The following TMEM94 variants were observed in gnomAD, a reference collection of about 807,000 sequenced individuals.
TMEM94 encodes the protein ER Mg2+ ATPase.
TMEM94 carries 81 observed loss-of-function variants against 158.6 expected under a neutral mutation model. The observed-to-expected ratio is 0.51, with a 90% CI of 0.43 to 0.61. The LOEUF (loss-of-function observed/expected upper bound fraction) is 0.61, where lower values mean the gene tolerates loss of function less well. Ranked by LOEUF, TMEM94 falls within the 20% of genes least tolerant of loss-of-function variation. The pLI is 0.00. For missense variants in TMEM94, 1,435 were observed against 1,762.0 expected (o/e 0.81, Z 3.32); for synonymous variants, 751 against 730.7 (o/e 1.03, Z -0.45).
At chr17:75,461,390 G>A (rs576163398) in intron 1 of TMEM94, among the ~76,000 whole-genome samples, 1 of 151,906 alleles carries the variant, frequency 6.6e-6, no homozygotes, top group Non-Finnish European at 1.5e-5. Context: ...ATGAGCCACC[G>A]TGTCCAGCCT....
chr17:75,485,908 G>A lies in TMEM94; in HGVS notation c.182G>A (p.Arg61His), dbSNP rs1333209452. 33 of 1,613,300 alleles carry A rather than the reference G, an allele frequency of 2.0e-5. No individual in the cohort carries two copies. The highest frequency in any genetic ancestry group is 2.8e-5 in the Non-Finnish European group (33 of 1,179,792). ...WRSSFLHHSN[R>H]CSCFHWPGAS... is the part of the protein sequence containing the mutation. Reference sequence around the variant, plus strand: ...AGCAGCTTCCTCCACCACAGTAACCGCTGCTCCTGCTTCCACTGGCCGGGG... The same window carrying A: ...AGCAGCTTCCTCCACCACAGTAACCACTGCTCCTGCTTCCACTGGCCGGGG... Residue 61 changes from arginine to histidine, a missense_variant, in exon 4 of 32, where the codon CGC (arginine) becomes CAC (histidine). This residue lies in a region of TMEM94 where 1,051 missense variants were observed against 1,254.4 expected (regional missense o/e 0.84). Transcript: ENST00000314256. This position sits in a 1 kb window ranked among gnomAD's most constrained non-coding sequence, Gnocchi z 5.5.
intron 16 of TMEM94, 27 bp from the exon 17 acceptor site, chr17:75,493,464 A>G: frequency 6.2e-7 from 1 of 1,607,644 alleles, no homozygotes; most frequent in South Asian, 1.1e-5. Flanking sequence ...GGTTAGCGAC[A>G]CTCAGGGTTT....
Position 75,495,413 on chromosome 17 carries a change from A to G in TMEM94, c.2844+14A>G. The G allele has an allele frequency of 6.2e-7, 1 of 1,609,388 alleles. No individual in the cohort carries two copies. The highest frequency in any genetic ancestry group is 8.5e-7 in the Non-Finnish European group (1 of 1,176,118). ...GACTCCAACCGGGTACGATGGCAGG[A>G]TCTGTCTCACGTGTTCCTGTAGTGG... On this transcript the variant is annotated intron_variant, in intron 21 of 31. Coordinates refer to ENST00000314256, the MANE Select transcript of TMEM94 (RefSeq NM_014738.6). This position sits in a 1 kb window ranked among gnomAD's most constrained non-coding sequence, Gnocchi z 5.6.
intron 18 of TMEM94, 68 bp downstream of exon 18, chr17:75,493,984 G>C (rs2052453796): frequency 4.0e-6 from 6 of 1,504,938 alleles, no homozygotes; most frequent in Non-Finnish European, 4.5e-6. Context: ...CCCAGGAGCA[G>C]GGAGGGCGTC....
At position 75,492,094 on chromosome 17, in the gene TMEM94, C is replaced by T. The variant is rs1050803916; in HGVS notation, c.1596+194C>T. On this transcript the variant is annotated intron_variant, in intron 14 of 31. Transcript: ENST00000314256. The surrounding 1 kb of genome is among the most constrained non-coding windows in gnomAD (Gnocchi z 4.4). Reference sequence around the variant, plus strand: ...GAAGTAGGTGGAGCCTCCCCCTACCCTTCCATTCTTGTAATCGCAATCACT... The same window carrying T: ...GAAGTAGGTGGAGCCTCCCCCTACCTTTCCATTCTTGTAATCGCAATCACT... 3.9e-6 allele frequency: 3 copies of T among 771,062 alleles called. No homozygotes were observed. Among genetic ancestry groups the T allele is most frequent in the Admixed American group, 2.9e-5 (1 of 34,198 alleles). 47.8% of individuals were successfully genotyped at this position (771,062 alleles called of 1,614,324 possible).
chr17:75,469,539 T>G (rs1220112925), intron 1 of TMEM94, among the ~76,000 whole-genome samples: 2 of 151,352 alleles, frequency 1.3e-5, no homozygotes, highest in Non-Finnish European at 2.9e-5. Context: ...GAGATGGGGT[T>G]TCATCATATT....
chr17:75,480,563 G>A (rs2051081074), intron 2 of TMEM94, among the ~76,000 whole-genome samples: 1 of 152,214 alleles, frequency 6.6e-6, no homozygotes, highest in Non-Finnish European at 1.5e-5. Context: ...CTTGGAATGA[G>A]GCAGCAGGTG....
At position 75,492,005 on chromosome 17, in the gene TMEM94, G is replaced by T. The variant is rs1389682104; in HGVS notation, c.1596+105G>T. Reference sequence around the variant, plus strand: ...AAGGTCTGAAAGAGCAGGCGTCTCTGCCCTCTGTCCCAGCACCTCCAGGCT... The same window carrying T: ...AAGGTCTGAAAGAGCAGGCGTCTCTTCCCTCTGTCCCAGCACCTCCAGGCT... On this transcript the variant is annotated intron_variant, in intron 14 of 31. Transcript: ENST00000314256. The surrounding 1 kb of genome is among the most constrained non-coding windows in gnomAD (Gnocchi z 4.4). 8.4e-7 allele frequency: 1 copy of T among 1,187,698 alleles called. No homozygotes were observed. Among genetic ancestry groups the T allele is most frequent in the African/African-American group, 1.5e-5 (1 of 65,532 alleles). 73.6% of individuals were successfully genotyped at this position (1,187,698 alleles called of 1,614,324 possible).
intron 16 of TMEM94, 46 bp from the exon 17 acceptor site, chr17:75,493,445 G>A (rs1455941942): frequency 6.3e-7 from 1 of 1,582,412 alleles, no homozygotes; most frequent in South Asian, 1.1e-5. Flanking sequence ...AGGTCAGCGT[G>A]AGGGGGCTGG....
At position 75,456,681 on chromosome 17, in the gene TMEM94, G is replaced by A. The variant is rs1432942456; in HGVS notation, c.-177G>A. On this transcript the variant is annotated 5_prime_UTR_variant, in exon 1 of 32. Transcript: ENST00000314256. ...GGACATGGCTGCGGCCCCCGGAGGA[G>A]GGGACGTGAAGTGAGGAGGGGGTTG... The A allele has an allele frequency of 6.6e-6, 1 of 152,334 alleles. No homozygotes were observed. Among genetic ancestry groups the A allele is most frequent in the Non-Finnish European group, 1.5e-5 (1 of 68,124 alleles). 9.4% of individuals were successfully genotyped at this position (152,334 alleles called of 1,614,324 possible).
rs954456970 is a variant in TMEM94 at position 75,458,812 on chromosome 17, C to G, written c.-107+2061C>G. 2.0e-5 allele frequency among the ~76,000 whole-genome samples: 3 copies of G among 152,162 alleles called. No homozygotes were observed. In the East Asian group the frequency reaches 5.8e-4, roughly 29 times the overall value. Reference sequence around the variant, plus strand: ...GTGGCTCACGCCTGTAATCCCAGCACTTTGGGAGGCAGAGGCAGGCGGATC... The same window carrying G: ...GTGGCTCACGCCTGTAATCCCAGCAGTTTGGGAGGCAGAGGCAGGCGGATC... On this transcript the variant is annotated intron_variant, in intron 1 of 31. Transcript: ENST00000314256.
At chr17:75,476,412 T>G in intron 2 of TMEM94, 4 of 945,704 alleles carry the variant, frequency 4.2e-6, no homozygotes, top group Non-Finnish European at 5.9e-6. Flanking sequence ...CCTCCTTCTC[T>G]TTCCTCTTCT....
chr17:75,457,204 C>T (rs911228000), intron 1 of TMEM94: 10 of 152,516 alleles, frequency 6.6e-5, no homozygotes, highest in African/African-American at 2.2e-4. Flanking sequence ...GCGGCCGTCC[C>T]CAGCTGGATG....
In TMEM94 at chr17:75,485,079, C is replaced by G; in HGVS notation, c.25-349C>G. ...TTGTCCATGCAATCAAAGACTGGCC[C>G]CCTTGCAATAAATTGGGAGATCAGT... On this transcript the variant is annotated intron_variant, in intron 2 of 31. Coordinates refer to ENST00000314256, the MANE Select transcript of TMEM94 (RefSeq NM_014738.6). This position sits in a 1 kb window ranked among gnomAD's most constrained non-coding sequence, Gnocchi z 5.5. Among the ~76,000 whole-genome samples the G allele has an allele frequency of 6.6e-6, 1 of 152,032 alleles. No homozygotes were observed. Among genetic ancestry groups the G allele is most frequent in the South Asian group, 2.1e-4 (1 of 4,816 alleles).
At chr17:75,482,997 A>T (rs1294306256) in intron 2 of TMEM94, among the ~76,000 whole-genome samples, 1 of 151,896 alleles carries the variant, frequency 6.6e-6, no homozygotes, top group African/African-American at 2.4e-5. Context: ...TGACATGTAA[A>T]CCTCCCCTGA....
chr17:75,481,947 C>T lies in TMEM94; in HGVS notation c.25-3481C>T, dbSNP rs190632398. On this transcript the variant is annotated intron_variant, in intron 2 of 31. Coordinates refer to ENST00000314256, the MANE Select transcript of TMEM94 (RefSeq NM_014738.6). ...CTCAGAGCTGGGGTGTGGTGGCTCA[C>T]GCCTATAATCACAGCACTTTAGCAG... Among the ~76,000 whole-genome samples, 439 of 152,280 alleles carry T rather than the reference C, an allele frequency of 2.9e-3. 4 individuals carry two copies. Among genetic ancestry groups the T allele is most frequent in the African/African-American group, 0.01 (419 of 41,548 alleles).
intron 18 of TMEM94, 103 bp from the exon 19 acceptor site, chr17:75,494,524 G>A: frequency 8.5e-7 from 1 of 1,175,214 alleles, no homozygotes; most frequent in Admixed American, 2.4e-5. Context: ...TGGTCCCCTG[G>A]GGCCCATATG....
Position 75,493,054 on chromosome 17 carries a change from C to G in TMEM94, c.2038C>G (p.Pro680Ala), listed in dbSNP as rs750479680. The stretch of plus-strand genomic sequence containing the variant: ...GCTCTCCTGTGTCACCAAGCGGCGG[C>G]CTCCCCTCAGCCACATGATCAGCCT... ...GRLSCVTKRR[P>A]PLSHMISLFI... The change falls in exon 16 of 32, where the codon CCT becomes GCT. Residue 680 changes from proline to alanine, a missense_variant. By Grantham distance (27) the Pro-to-Ala change is conservative. Around this residue, in one of 3 missense-constraint regions of TMEM94, gnomAD observed 1,051 missense variants for 1,254.4 expected, o/e 0.84. Coordinates refer to ENST00000314256, the MANE Select transcript of TMEM94 (RefSeq NM_014738.6). 1 of 1,613,490 alleles carries G rather than the reference C, an allele frequency of 6.2e-7. No individual in the cohort carries two copies. Among genetic ancestry groups the G allele is most frequent in the Admixed American group, 1.7e-5 (1 of 60,018 alleles).
At chr17:75,479,380 C>T (rs1190919971) in intron 2 of TMEM94, among the ~76,000 whole-genome samples, 1 of 152,002 alleles carries the variant, frequency 6.6e-6, no homozygotes, top group Non-Finnish European at 1.5e-5. Flanking sequence ...AGTACAGTGG[C>T]GCAATCTCGG....
Sources: allele counts gnomAD v4.1 joint callset (sites outside exome capture counted in the v4.1 genomes callset), GRCh38; gene constraint gnomAD v4.1.1; regional missense constraint gnomAD v4.1.1; non-coding constraint Gnocchi (gnomAD v3.1); transcripts MANE v1.5; gene names NCBI Gene and HGNC (gene_info 2026-07-23, HGNC 2026-07-21).